Variants in CD58 observed in about 807,000 individuals in gnomAD.
The protein encoded by CD58 is lymphocyte function-associated antigen 3.
A neutral mutation model predicts 27.6 loss-of-function variants in CD58; 14 were observed. That is an observed-to-expected ratio of 0.51 (90% CI 0.34 to 0.79). The LOEUF (loss-of-function observed/expected upper bound fraction) is 0.79, where lower values mean the gene tolerates loss of function less well. CD58 is among the 30% of genes least tolerant of loss of function. The pLI, the probability that CD58 is intolerant of heterozygous loss-of-function variation, is 0.02. For synonymous variants in CD58, 117 were observed against 103.8 expected, an observed-to-expected ratio of 1.13 and a Z score of -0.77; for missense variants, 268 against 301.7, an observed-to-expected ratio of 0.89 and a Z score of 0.83.
At position 116,570,925 on chromosome 1, in the gene CD58, C is replaced by A; in HGVS notation, c.48G>T (p.Val16=). The change falls in exon 1 of 6, where the codon GTG becomes GTT. Residue 16 remains valine, a synonymous_variant. Transcript: ENST00000369489. This position sits in a 1 kb window ranked among gnomAD's most constrained non-coding sequence, Gnocchi z 6.4. ...DAGRALGVLS[V]VCLLHCFGFI... The stretch of plus-strand genomic sequence containing the variant: ...CACCAAAGCAGTGCAGCAGGCAGAC[C>A]ACGCTGAGGACCCCCAGGGCCCGCC... 1 of 1,569,112 alleles carries A rather than the reference C, an allele frequency of 6.4e-7. No individual in the cohort carries two copies. Among genetic ancestry groups the A allele is most frequent in the East Asian group, 2.3e-5 (1 of 42,938 alleles).
At position 116,527,738 on chromosome 1, in the gene CD58, T is replaced by C. The variant is rs2101163270; in HGVS notation, c.629-5755A>G. On this transcript the variant is annotated intron_variant, in intron 3 of 5. Transcript: ENST00000369489. The surrounding 1 kb of genome is among the most constrained non-coding windows in gnomAD (Gnocchi z 4.4). The stretch of plus-strand genomic sequence containing the variant: ...TGCTTCTATCTTCTAAAAGAGATTA[T>C]AGAGAATTAGTATTTCTTCCTTAAA... 6.6e-6 allele frequency among the ~76,000 whole-genome samples: 1 copy of C among 152,352 alleles called. No homozygotes were observed. Among genetic ancestry groups the C allele is most frequent in the African/African-American group, 2.4e-5 (1 of 41,594 alleles).
At chr1:116,562,642 A>G (rs753100772) in intron 1 of CD58, among the ~76,000 whole-genome samples, 3 of 152,232 alleles carry the variant, frequency 2.0e-5, no homozygotes, top group Non-Finnish European at 4.4e-5. Flanking sequence ...GCAAAGGAGA[A>G]GCAAAGTCAT....
Position 116,522,826 on chromosome 1 carries a change from T to TA in CD58, c.629-844dup, listed in dbSNP as rs1241272276. ...TGGTAGGGCAATTCTGGCAGTTGTA[T>TA]ATAATAAGCCTTAAAAATATTTATC... On this transcript the variant is annotated intron_variant, in intron 3 of 5. Coordinates refer to ENST00000369489, the MANE Select transcript of CD58 (RefSeq NM_001779.3). This position sits in a 1 kb window ranked among gnomAD's most constrained non-coding sequence, Gnocchi z 4.6. Among the ~76,000 whole-genome samples, 2 of 152,206 alleles carry TA rather than the reference T, an allele frequency of 1.3e-5. No individual in the cohort carries two copies. Among genetic ancestry groups the TA allele is most frequent in the Admixed American group, 6.5e-5 (1 of 15,284 alleles).
chr1:116,538,564 G>A lies in CD58; in HGVS notation c.365-2336C>T, dbSNP rs1279969362. On this transcript the variant is annotated intron_variant, in intron 2 of 5. Coordinates refer to ENST00000369489, the MANE Select transcript of CD58 (RefSeq NM_001779.3). The surrounding 1 kb of genome is among the most constrained non-coding windows in gnomAD (Gnocchi z 4.7). ...TGCCTAAGAATCACCAAGGGTGCTTGTTAAAAATACAGATTCCTGAGCCCC... is the reference window on the plus strand; with the variant it reads ...TGCCTAAGAATCACCAAGGGTGCTTATTAAAAATACAGATTCCTGAGCCCC... Among the ~76,000 whole-genome samples the A allele has an allele frequency of 6.6e-6, 1 of 152,190 alleles. No individual in the cohort carries two copies. The highest frequency in any genetic ancestry group is 1.9e-4 in the East Asian group (1 of 5,202).
Position 116,519,183 on chromosome 1 carries a change from G to A in CD58, c.743+48C>T. 1.2e-6 allele frequency: 2 copies of A among 1,609,528 alleles called. No individual in the cohort carries two copies. The highest frequency in any genetic ancestry group is 1.7e-6 in the Non-Finnish European group (2 of 1,177,594). On this transcript the variant is annotated intron_variant, in intron 5 of 5. Transcript: ENST00000369489. This position sits in a 1 kb window ranked among gnomAD's most constrained non-coding sequence, Gnocchi z 4.7. ...TCCCAAGTAATGGGCATCTACAGCA[G>A]GGCTGCTGTTGTTCTGGCACAGAGT...
At chr1:116,547,624 T>C (rs550830488) in intron 1 of CD58, among the ~76,000 whole-genome samples, 49 of 152,230 alleles carry the variant, frequency 3.2e-4, no homozygotes, top group Middle Eastern at 3.4e-3. Flanking sequence ...CCACCGCGCC[T>C]GGCCTATTAT....
In CD58 at chr1:116,538,431, A is replaced by G. The variant is rs1657887314; in HGVS notation, c.365-2203T>C. 6.6e-6 allele frequency among the ~76,000 whole-genome samples: 1 copy of G among 152,142 alleles called. No individual in the cohort carries two copies. Among genetic ancestry groups the G allele is most frequent in the Non-Finnish European group, 1.5e-5 (1 of 68,022 alleles). The stretch of plus-strand genomic sequence containing the variant: ...AAAATGCCTGTTCTCAGTATTTCAT[A>G]TACTTATGCCTGCCTCTGTAACTAG... On this transcript the variant is annotated intron_variant, in intron 2 of 5. Coordinates refer to ENST00000369489, the MANE Select transcript of CD58 (RefSeq NM_001779.3). The surrounding 1 kb of genome is among the most constrained non-coding windows in gnomAD (Gnocchi z 4.7).
At chr1:116,561,235 C>T (rs955380993) in intron 1 of CD58, among the ~76,000 whole-genome samples, 5 of 152,042 alleles carry the variant, frequency 3.3e-5, no homozygotes, top group Non-Finnish European at 7.4e-5. Flanking sequence ...CTGAAAGATG[C>T]CCATCAAAAT....
At chr1:116,530,303 T>C (rs1273842388) in intron 3 of CD58, among the ~76,000 whole-genome samples, 2 of 151,980 alleles carry the variant, frequency 1.3e-5, no homozygotes, top group African/African-American at 4.8e-5. Context: ...CCTCCCGGGT[T>C]CATGCCATTC....
intron 1 of CD58, among the ~76,000 whole-genome samples, chr1:116,554,496 G>A (rs1265981791): frequency 6.6e-6 from 1 of 151,838 alleles, no homozygotes; most frequent in Non-Finnish European, 1.5e-5. Flanking sequence ...TACCAGCCTG[G>A]GCAATGTAGT....
At position 116,515,112 on chromosome 1, in the gene CD58, G is replaced by A. The variant is rs972605912; in HGVS notation, c.744-290C>T. Among the ~76,000 whole-genome samples the A allele has an allele frequency of 6.6e-6, 1 of 152,182 alleles. No individual in the cohort carries two copies. Among genetic ancestry groups the A allele is most frequent in the Non-Finnish European group, 1.5e-5 (1 of 68,032 alleles). On this transcript the variant is annotated intron_variant, in intron 5 of 5. Transcript: ENST00000369489. This position sits in a 1 kb window ranked among gnomAD's most constrained non-coding sequence, Gnocchi z 4.6. ...AACTGAAAGATTGAACAACAGAGCT[G>A]AGACTGTTAGACCCACATGTAAACT...
chr1:116,514,663 T>C lies in CD58; in HGVS notation c.*150A>G. 1.8e-6 allele frequency: 1 copy of C among 568,208 alleles called. No homozygotes were observed. The highest frequency in any genetic ancestry group is 3.2e-6 in the Non-Finnish European group (1 of 314,906). The allele number at this position is 568,208 out of a possible 1,614,324, so 35.2% of individuals were successfully genotyped here. On this transcript the variant is annotated 3_prime_UTR_variant, in exon 6 of 6. Coordinates refer to ENST00000369489, the MANE Select transcript of CD58 (RefSeq NM_001779.3). Reference sequence around the variant, plus strand: ...GACAGCCAAAACTAATGCTTGTTCTTTGTTAGTGGGTATTTCTTCTTAAAG... The same window carrying C: ...GACAGCCAAAACTAATGCTTGTTCTCTGTTAGTGGGTATTTCTTCTTAAAG...
rs1657216327 is a variant in CD58, at chr1:116,519,972, T to A, written c.707-705A>T. Among the ~76,000 whole-genome samples the A allele has an allele frequency of 6.6e-6, 1 of 152,236 alleles. No homozygotes were observed. Among genetic ancestry groups the A allele is most frequent in the Non-Finnish European group, 1.5e-5 (1 of 68,036 alleles). On this transcript the variant is annotated intron_variant, in intron 4 of 5. Transcript: ENST00000369489. This position sits in a 1 kb window ranked among gnomAD's most constrained non-coding sequence, Gnocchi z 4.7. ...CAGAAGCTTAGTCAATAGGGTTGACTAGAGCTTATAAAGTTGTCTGTCAAC... is the reference window on the plus strand; with the variant it reads ...CAGAAGCTTAGTCAATAGGGTTGACAAGAGCTTATAAAGTTGTCTGTCAAC...
At chr1:116,542,785 A>T (rs1368180526) in intron 2 of CD58, among the ~76,000 whole-genome samples, 1 of 152,226 alleles carries the variant, frequency 6.6e-6, no homozygotes, top group Non-Finnish European at 1.5e-5. Flanking sequence ...AAGTCCATTC[A>T]TATCAGGAGA....
chr1:116,564,004 C>G lies in CD58; in HGVS notation c.70+6899G>C, dbSNP rs183776598. On this transcript the variant is annotated intron_variant, in intron 1 of 5. Transcript: ENST00000369489. The stretch of plus-strand genomic sequence containing the variant: ...TTTTGAACTTTTATGCCCTGCTATC[C>G]TTTTAAACATAAGTTCCAATTCCAA... Among the ~76,000 whole-genome samples the G allele has an allele frequency of 1.2e-3, 178 of 152,296 alleles. 1 individual carries two copies. Among genetic ancestry groups the G allele is most frequent in the African/African-American group, 3.9e-3 (162 of 41,560 alleles).
rs1437294771 is a variant in CD58 at position 116,544,621 on chromosome 1, A to C, written c.71-17T>G. On this transcript the variant is annotated splice_polypyrimidine_tract_variant and intron_variant, in intron 1 of 5. Coordinates refer to ENST00000369489, the MANE Select transcript of CD58 (RefSeq NM_001779.3). ...TGATGAAACCTAGGAGAGAAAAAAA[A>C]ATTGGTTAGAAAAAACAACATGACT... The C allele has an allele frequency of 1.3e-6, 2 of 1,539,686 alleles. No homozygotes were observed. Among genetic ancestry groups the C allele is most frequent in the East Asian group, 2.3e-5 (1 of 44,124 alleles).
rs1164688584 is a variant in CD58 at position 116,534,107 on chromosome 1, C to T, written c.628+1858G>A. 1 of 769,148 alleles carries T rather than the reference C, an allele frequency of 1.3e-6. No homozygotes were observed. The highest frequency in any genetic ancestry group is 2.7e-5 in the East Asian group (1 of 37,728). The allele number at this position is 769,148 out of a possible 1,614,324, so 47.6% of individuals were successfully genotyped here. A position where few individuals can be genotyped will look rare whatever the true frequency, so the allele number is the denominator to read the frequency against. On this transcript the variant is annotated intron_variant, in intron 3 of 5. Transcript: ENST00000369489. The surrounding 1 kb of genome is among the most constrained non-coding windows in gnomAD (Gnocchi z 5.3). The stretch of plus-strand genomic sequence containing the variant: ...TTATCTGCCATCTGAATGTTTTTAT[C>T]CCCTTGTCTGGTAAACCAAGTCCCG...
At chr1:116,526,283 A>AG (rs774636927) in intron 3 of CD58, among the ~76,000 whole-genome samples, 12 of 152,124 alleles carry the variant, frequency 7.9e-5, no homozygotes, top group Non-Finnish European at 1.8e-4. Context: ...AAAGTTATCT[A>AG]GGTTTTCTCT....
In CD58 at chr1:116,565,675, GA is replaced by G. The variant is rs564701014; in HGVS notation, c.70+5227del. 7.8e-4 allele frequency among the ~76,000 whole-genome samples: 106 copies of G among 136,500 alleles called. 1 individual carries two copies. The highest frequency in any genetic ancestry group is 7.4e-3 in the Middle Eastern group (2 of 270). The allele number at this position is 136,500 out of a possible 152,430, so 89.5% of individuals were successfully genotyped here. Reference sequence around the variant, plus strand: ...TTACCTTGTTTAAGAAGGGTAGTTAGAAAAAAAAAAAAGAATCCAAATAACT... The same window carrying G: ...TTACCTTGTTTAAGAAGGGTAGTTAGAAAAAAAAAAAGAATCCAAATAACT... On this transcript the variant is annotated intron_variant, in intron 1 of 5. Coordinates refer to ENST00000369489, the MANE Select transcript of CD58 (RefSeq NM_001779.3).
Sources: gnomAD v4.1 joint callset for allele counts (sites outside exome capture counted in the v4.1 genomes callset) on GRCh38, gnomAD v4.1.1 for gene constraint, Gnocchi (gnomAD v3.1) non-coding constraint, MANE v1.5 for transcripts, NCBI Gene and HGNC (gene_info 2026-07-23, HGNC 2026-07-21) for gene names.